The following CTNNA3 variants were observed in gnomAD, a reference collection of about 807,000 sequenced individuals.
The protein encoded by CTNNA3 is catenin alpha 3.
CTNNA3 carries 76 observed loss-of-function variants against 95.7 expected under a neutral mutation model. The observed-to-expected ratio is 0.79, with a 90% CI of 0.66 to 0.96. The LOEUF (loss-of-function observed/expected upper bound fraction) is 0.96, where lower values mean the gene tolerates loss of function less well. Among genes scored for constraint, CTNNA3 ranks in the 40% least tolerant of loss-of-function variants. The probability of loss-of-function intolerance (pLI) is 0.00; values close to 1 mark genes in which losing one functional copy is unlikely to be tolerated. For synonymous variants in CTNNA3, 431 were observed against 374.4 expected (o/e 1.15, Z -1.74); for missense variants, 1,191 against 1,089.8 (o/e 1.09, Z -1.31).
At chr10:66,272,378 G>A (rs1309418068) in intron 13 of CTNNA3, among the ~76,000 whole-genome samples, 1 of 152,142 alleles carries the variant, frequency 6.6e-6, no homozygotes, top group Non-Finnish European at 1.5e-5. Context: ...AAATAAATTG[G>A]AAATGGTGCC....
intron 7 of CTNNA3, among the ~76,000 whole-genome samples, chr10:66,794,445 CTCT>C (rs1841109764): frequency 6.6e-6 from 1 of 152,170 alleles, no homozygotes; most frequent in South Asian, 2.1e-4. Context: ...ACACTATAGT[CTCT>C]TAAGTGTGCA....
At chr10:66,875,055 C>G (rs904165791) in intron 7 of CTNNA3, among the ~76,000 whole-genome samples, 1 of 152,154 alleles carries the variant, frequency 6.6e-6, no homozygotes, top group South Asian at 2.1e-4. Flanking sequence ...GGATTAGATG[C>G]AGCCAGGGAG....
At chr10:67,274,506 T>C (rs1198514377) in intron 5 of CTNNA3, among the ~76,000 whole-genome samples, 2 of 152,082 alleles carry the variant, frequency 1.3e-5, no homozygotes, top group East Asian at 1.9e-4. Flanking sequence ...CCATGAGAGA[T>C]TATACCACAT....
chr10:66,365,930 A>C (rs2132445881), intron 12 of CTNNA3, among the ~76,000 whole-genome samples: 2 of 152,290 alleles, frequency 1.3e-5, no homozygotes, highest in South Asian at 2.1e-4. Flanking sequence ...GTTGAGACTT[A>C]GATGACTGCA....
chr10:67,184,107 C>A (rs954804932), intron 6 of CTNNA3, among the ~76,000 whole-genome samples: 2 of 152,180 alleles, frequency 1.3e-5, no homozygotes, highest in African/African-American at 2.4e-5. Flanking sequence ...TCTGGTGAAG[C>A]TTTCCTAAGC....
At chr10:67,152,389 C>A (rs1033181299) in intron 7 of CTNNA3, among the ~76,000 whole-genome samples, 9 of 152,146 alleles carry the variant, frequency 5.9e-5, no homozygotes, top group African/African-American at 2.2e-4. Context: ...GCCCGTTACA[C>A]TGGGAGAAAG....
chr10:66,978,960 C>CTTTTTTTTTT (rs34112681), intron 7 of CTNNA3, among the ~76,000 whole-genome samples: 1 of 83,792 alleles, frequency 1.2e-5, no homozygotes, highest in Non-Finnish European at 2.2e-5. Flanking sequence ...TACTTATTTC[C>CTTTTTTTTTT]TTTTTTTTTT....
At chr10:66,205,102 C>A (rs896966705) in intron 13 of CTNNA3, among the ~76,000 whole-genome samples, 1 of 152,040 alleles carries the variant, frequency 6.6e-6, no homozygotes, top group African/African-American at 2.4e-5. Flanking sequence ...TGTTGTTTTT[C>A]ACTTTTCTGT....
At chr10:67,725,955 TATATA>T (rs1841209461) in intron 1 of CTNNA3, among the ~76,000 whole-genome samples, 1 of 133,112 alleles carries the variant, frequency 7.5e-6, no homozygotes, top group Non-Finnish European at 1.5e-5. Context: ...AGTATATGTA[TATATA>T]ATATATATGT....
chr10:67,329,700 T>A (rs771867831), intron 5 of CTNNA3, among the ~76,000 whole-genome samples: 17 of 152,210 alleles, frequency 1.1e-4, no homozygotes, highest in Non-Finnish European at 2.1e-4. Flanking sequence ...GAGGGCTTAC[T>A]ATGCACAAAT....
chr10:66,603,763 A>G (rs1312151957), intron 10 of CTNNA3, among the ~76,000 whole-genome samples: 1 of 152,182 alleles, frequency 6.6e-6, no homozygotes, highest in Non-Finnish European at 1.5e-5. Flanking sequence ...TAGAGAATAC[A>G]GAAATAAACC....
intron 13 of CTNNA3, among the ~76,000 whole-genome samples, chr10:66,237,127 A>T (rs997465847): frequency 6.6e-6 from 1 of 152,136 alleles, no homozygotes; most frequent in Non-Finnish European, 1.5e-5. Flanking sequence ...AAAACTAATG[A>T]TCATAATAAT....
chr10:66,552,443 TA>T (rs1564528571), intron 10 of CTNNA3, among the ~76,000 whole-genome samples: 1 of 152,140 alleles, frequency 6.6e-6, no homozygotes, highest in Non-Finnish European at 1.5e-5. Context: ...ATCAACCCTG[TA>T]AAATTGCTTC....
chr10:66,796,437 C>T (rs1413045468), intron 7 of CTNNA3, among the ~76,000 whole-genome samples: 2 of 151,866 alleles, frequency 1.3e-5, no homozygotes, highest in Non-Finnish European at 2.9e-5. Flanking sequence ...CAGTTTGTGG[C>T]CCCCTAAGAC....
intron 5 of CTNNA3, among the ~76,000 whole-genome samples, chr10:67,324,776 C>T (rs1389056635): frequency 5.3e-5 from 8 of 151,922 alleles, no homozygotes; most frequent in Admixed American, 5.2e-4. Flanking sequence ...AAAGAAGACC[C>T]TCCTTCTCAC....
intron 15 of CTNNA3, among the ~76,000 whole-genome samples, chr10:66,063,372 C>T (rs983617660): frequency 1.0e-4 from 15 of 150,098 alleles, no homozygotes; most frequent in African/African-American, 3.7e-4. Flanking sequence ...AGATCTGCTT[C>T]TCTATCAAAG....
chr10:66,027,568 C>T (rs1589265368), intron 15 of CTNNA3, among the ~76,000 whole-genome samples: 2 of 152,192 alleles, frequency 1.3e-5, no homozygotes, highest in East Asian at 3.9e-4. Flanking sequence ...ATAATTGTCC[C>T]TTTCTTAGGG....
intron 5 of CTNNA3, among the ~76,000 whole-genome samples, chr10:67,346,466 C>G: frequency 6.6e-6 from 1 of 152,108 alleles, no homozygotes; most frequent in African/African-American, 2.4e-5. Context: ...GTTTTTATTT[C>G]TCTTTCATCT....
In CTNNA3 at chr10:66,507,413, T is replaced by C. The variant is rs117818268; in HGVS notation, c.1531+13204A>G. On this transcript the variant is annotated intron_variant, in intron 11 of 17. Transcript: ENST00000433211. The stretch of plus-strand genomic sequence containing the variant: ...ATATACAATAAATTATTAACTATAT[T>C]CACCCTACAGTGCCATAGAACACTA... 6.6e-4 allele frequency among the ~76,000 whole-genome samples: 100 copies of C among 152,150 alleles called. 2 individuals are homozygous for C. The East Asian group carries it at 0.017, about 26-fold the overall frequency.
Sources: allele counts gnomAD v4.1 joint callset (sites outside exome capture counted in the v4.1 genomes callset), GRCh38; gene constraint gnomAD v4.1.1; transcripts MANE v1.5; gene names NCBI Gene and HGNC (gene_info 2026-07-23, HGNC 2026-07-21).